PPP1R13B: variants seen among roughly 807,000 people sequenced by gnomAD.
PPP1R13B encodes the protein apoptosis-stimulating of p53 protein 1.
A neutral mutation model predicts 119.8 loss-of-function variants in PPP1R13B; 44 were observed. The ratio of observed to expected loss-of-function variants is 0.37; its 90% confidence interval spans 0.29 to 0.47. PPP1R13B has a LOEUF of 0.47. Among genes scored for constraint, PPP1R13B ranks in the 20% least tolerant of loss-of-function variants. The pLI is 0.99. For synonymous variants in PPP1R13B, 542 were observed against 561.5 expected (o/e 0.97, Z 0.49); for missense variants, 1,227 against 1,413.5 (o/e 0.87, Z 2.12).
chr14:103,815,242 G>C (rs1250313983), intron 1 of PPP1R13B, among the ~76,000 whole-genome samples: 2 of 152,190 alleles, frequency 1.3e-5, no homozygotes, highest in Non-Finnish European at 2.9e-5. Context: ...AATCCACGGA[G>C]AGATAAAGTA....
At chr14:103,830,264 T>A (rs1449885241) in intron 1 of PPP1R13B, among the ~76,000 whole-genome samples, 1 of 151,676 alleles carries the variant, frequency 6.6e-6, no homozygotes, top group Non-Finnish European at 1.5e-5. Flanking sequence ...CCCGGCTAAT[T>A]TTTATATTTT....
chr14:103,771,119 G>A (rs545332980), intron 4 of PPP1R13B, among the ~76,000 whole-genome samples: 2 of 152,308 alleles, frequency 1.3e-5, no homozygotes, highest in East Asian at 1.9e-4. Context: ...TCACTGAGTG[G>A]AAGGAGAGAC....
chr14:103,763,633 C>CT (rs1467141952), intron 4 of PPP1R13B, among the ~76,000 whole-genome samples: 1 of 152,110 alleles, frequency 6.6e-6, no homozygotes, highest in Non-Finnish European at 1.5e-5. Flanking sequence ...ACAGGCTTTT[C>CT]TTTTTTAGAG....
At chr14:103,844,719 C>G (rs1332932883) in intron 1 of PPP1R13B, among the ~76,000 whole-genome samples, 1 of 151,912 alleles carries the variant, frequency 6.6e-6, no homozygotes, top group Non-Finnish European at 1.5e-5. Context: ...GAGTGAGACT[C>G]TGTCACAAAA....
intron 2 of PPP1R13B, among the ~76,000 whole-genome samples, chr14:103,793,664 T>A (rs866006361): frequency 1.3e-5 from 2 of 151,930 alleles, no homozygotes; most frequent in Non-Finnish European, 2.9e-5. Flanking sequence ...AATGGAAATC[T>A]ATTATAAGAC....
At chr14:103,736,404 C>T in intron 15 of PPP1R13B, 2 of 606,294 alleles carry the variant, frequency 3.3e-6, no homozygotes, top group Non-Finnish European at 5.8e-6. Context: ...GCTGCTCCTG[C>T]TGCCGGCCCT....
chr14:103,844,944 G>GA (rs1300021714), intron 1 of PPP1R13B, among the ~76,000 whole-genome samples: 2 of 152,082 alleles, frequency 1.3e-5, no homozygotes, highest in Non-Finnish European at 2.9e-5. Flanking sequence ...CTTAGTACCA[G>GA]AAAAAATGTA....
intron 15 of PPP1R13B, 165 bp downstream of exon 15, chr14:103,737,529 T>C: frequency 1.1e-6 from 1 of 885,958 alleles, no homozygotes; most frequent in South Asian, 1.9e-5. Flanking sequence ...TGAGCCATGA[T>C]TGCGACATTG....
chr14:103,740,424 C>T lies in PPP1R13B; in HGVS notation c.1992G>A (p.Glu664=), dbSNP rs1336826279. ...TGGGGCTGAGTGGCCGTGGCAGGCT[C>T]TCCACGGTGCTGCCATCTGCGGGGG... The part of the protein sequence containing the change: ...PAAPADGSTV[E]SLPRPLSPTK... Residue 664 remains glutamate (E), a synonymous_variant, in exon 12 of 17, where the codon GAG becomes GAA. Transcript: ENST00000202556. The surrounding 1 kb of genome is among the most constrained non-coding windows in gnomAD (Gnocchi z 4.6). The T allele has an allele frequency of 1.3e-6, 2 of 1,595,216 alleles. No individual in the cohort carries two copies. Among genetic ancestry groups the T allele is most frequent in the South Asian group, 1.1e-5 (1 of 88,892 alleles).
intron 4 of PPP1R13B, among the ~76,000 whole-genome samples, chr14:103,768,260 C>T (rs1166710123): frequency 6.6e-6 from 1 of 151,724 alleles, no homozygotes; most frequent in Non-Finnish European, 1.5e-5. Flanking sequence ...GGATTACAGG[C>T]ACCCATCACC....
intron 3 of PPP1R13B, among the ~76,000 whole-genome samples, chr14:103,779,283 G>C (rs2085284298): frequency 6.6e-6 from 1 of 151,442 alleles, no homozygotes; most frequent in Non-Finnish European, 1.5e-5. Flanking sequence ...CTCCAGCCTG[G>C]GCAACAGAGC....
intron 2 of PPP1R13B, among the ~76,000 whole-genome samples, chr14:103,788,534 T>G (rs975610109): frequency 3.3e-5 from 5 of 152,146 alleles, no homozygotes; most frequent in Non-Finnish European, 5.9e-5. Flanking sequence ...AAAATAGCAT[T>G]TCTCATTAGC....
At chr14:103,768,497 C>T (rs547550014) in intron 4 of PPP1R13B, among the ~76,000 whole-genome samples, 2 of 152,268 alleles carry the variant, frequency 1.3e-5, no homozygotes, top group African/African-American at 2.4e-5. Flanking sequence ...CAGGGTTTCA[C>T]CATATTGGCC....
At chr14:103,751,156 C>G (rs1207201148) in intron 7 of PPP1R13B, among the ~76,000 whole-genome samples, 2 of 152,084 alleles carry the variant, frequency 1.3e-5, no homozygotes, top group Non-Finnish European at 2.9e-5. Context: ...AAAAGAAAAA[C>G]AAAACAACAA....
Position 103,830,220 on chromosome 14 carries a change from C to T in PPP1R13B, c.9+17079G>A, listed in dbSNP as rs1370681597. Among the ~76,000 whole-genome samples the T allele has an allele frequency of 2.1e-4, 32 of 152,192 alleles. 1 individual carries two copies. Among genetic ancestry groups the T allele is most frequent in the Admixed American group, 2.0e-3 (30 of 15,278 alleles). On this transcript the variant is annotated intron_variant, in intron 1 of 16. Transcript: ENST00000202556. ...AACTGATTCTCTTGCCTTAGCCTCC[C>T]GAGTAGCTGGGATTACAGGCACACA...
chr14:103,811,235 G>C (rs2086149035), intron 1 of PPP1R13B, among the ~76,000 whole-genome samples: 1 of 152,020 alleles, frequency 6.6e-6, no homozygotes, highest in African/African-American at 2.4e-5. Flanking sequence ...CTCTTAGTGG[G>C]CTCTAAAATC....
chr14:103,847,726 G>C (rs1199813602), upstream of PPP1R13B: 2 of 729,324 alleles, frequency 2.7e-6, no homozygotes, highest in Non-Finnish European at 3.4e-6. Flanking sequence ...CGCTACCCTC[G>C]CTCTCAGCGG....
intron 1 of PPP1R13B, among the ~76,000 whole-genome samples, chr14:103,805,133 G>A (rs66953418): frequency 0.29 from 44,212 of 151,906 alleles, 6,928 homozygotes; most frequent in Non-Finnish European, 0.34. Context: ...CACTATGCCC[G>A]GCCTAAAAAA....
intron 2 of PPP1R13B, among the ~76,000 whole-genome samples, chr14:103,796,236 T>C (rs551590395): frequency 3.9e-5 from 6 of 152,138 alleles, no homozygotes; most frequent in African/African-American, 1.4e-4. Flanking sequence ...TGAGCCAGGA[T>C]TGTGCCACTG....
Sources: allele counts gnomAD v4.1 joint callset (sites outside exome capture counted in the v4.1 genomes callset), GRCh38; gene constraint gnomAD v4.1.1; non-coding constraint Gnocchi (gnomAD v3.1); transcripts MANE v1.5; gene names NCBI Gene and HGNC (gene_info 2026-07-23, HGNC 2026-07-21).